LANCL1: variants seen among roughly 807,000 people sequenced by gnomAD.
LANCL1 encodes glutathione S-transferase LANCL1.
In LANCL1, 50 loss-of-function variants were observed where a neutral mutation model predicts 50.6. That is an observed-to-expected ratio of 0.99 (90% CI 0.79 to 1.25). The LOEUF (loss-of-function observed/expected upper bound fraction) is 1.25, where lower values mean the gene tolerates loss of function less well. Among genes scored for constraint, LANCL1 ranks in the 50% most tolerant of loss-of-function variants. LANCL1 has a pLI of 0.00. For missense variants in LANCL1, 532 were observed against 480.7 expected (o/e 1.11, Z -1.00); for synonymous variants, 188 against 178.6 (o/e 1.05, Z -0.42).
chr2:210,461,022 T>C (rs979438873), intron 3 of LANCL1: 5 of 152,104 alleles, frequency 3.3e-5, no homozygotes, highest in Non-Finnish European at 7.4e-5. Context: ...CAACTATGAA[T>C]TGGGCACTGT....
intron 3 of LANCL1, among the ~76,000 whole-genome samples, chr2:210,464,402 C>T (rs1483579302): frequency 6.6e-6 from 1 of 151,954 alleles, no homozygotes; most frequent in Admixed American, 6.6e-5. Context: ...TTTTCAGTTC[C>T]AAGTGCAGTG....
intron 3 of LANCL1, among the ~76,000 whole-genome samples, chr2:210,462,992 T>C (rs2105917587): frequency 6.6e-6 from 1 of 152,304 alleles, no homozygotes; most frequent in East Asian, 1.9e-4. Flanking sequence ...ACTTATAAAG[T>C]GTACAGAATA....
chr2:210,453,381 G>A (rs1693567754), intron 4 of LANCL1, among the ~76,000 whole-genome samples: 1 of 152,120 alleles, frequency 6.6e-6, no homozygotes, highest in African/African-American at 2.4e-5. Flanking sequence ...GTTAACATTG[G>A]CAAGTGCTGC....
chr2:210,437,974 A>T (rs1692993501), intron 6 of LANCL1, 102 bp from the exon 7 acceptor site: 1 of 743,236 alleles, frequency 1.3e-6, no homozygotes, highest in Admixed American at 3.5e-5. Flanking sequence ...GGGGAAATGG[A>T]AGGTCATTAA....
At chr2:210,440,807 A>G in intron 5 of LANCL1, 63 bp from the exon 6 acceptor site, 10 of 1,508,262 alleles carry the variant, frequency 6.6e-6, no homozygotes, top group East Asian at 2.4e-5. Flanking sequence ...TGGAGGAGGT[A>G]AAGACTTTTT....
chr2:210,446,649 GAGA>G (rs979326894), intron 4 of LANCL1, among the ~76,000 whole-genome samples: 1 of 151,520 alleles, frequency 6.6e-6, no homozygotes, highest in Non-Finnish European at 1.5e-5. Flanking sequence ...AACCAGTTTT[GAGA>G]AGAACATAAA....
At chr2:210,439,072 T>C (rs1375208064) in intron 6 of LANCL1, among the ~76,000 whole-genome samples, 13 of 152,170 alleles carry the variant, frequency 8.5e-5, no homozygotes, top group Non-Finnish European at 1.3e-4. Flanking sequence ...ATACAAAGAA[T>C]AGCATTTAAG....
intron 2 of LANCL1, among the ~76,000 whole-genome samples, chr2:210,472,401 T>C (rs1021149159): frequency 6.6e-6 from 1 of 152,190 alleles, no homozygotes; most frequent in Non-Finnish European, 1.5e-5. Context: ...AGTCTTTTTA[T>C]TAAATTAAGC....
chr2:210,471,679 T>C (rs767643466), intron 3 of LANCL1: 7 of 593,120 alleles, frequency 1.2e-5, no homozygotes, highest in Non-Finnish European at 1.9e-5. Context: ...CTATGTAATA[T>C]TGAAAATCAA....
chr2:210,441,686 T>C (rs1456200674), intron 4 of LANCL1, among the ~76,000 whole-genome samples: 2 of 152,138 alleles, frequency 1.3e-5, no homozygotes, highest in African/African-American at 4.8e-5. Context: ...TGAGGCTATC[T>C]GAAATCTCCC....
chr2:210,455,141 T>C lies in LANCL1; in HGVS notation c.373A>G (p.Asn125Asp), dbSNP rs750087496. ...AVAAVLYHKM[N>D]NEKQAEDCIT... ...CAATCTTCTGCCTGCTTCTCATTGT[T>C]CATCTTGTGATATAGCACAGCGGCC... The change falls in exon 4 of 10, where the codon AAC (asparagine) becomes GAC (aspartate). Residue 125 changes from asparagine to aspartate, a missense_variant. Transcript: ENST00000450366. 6.2e-7 allele frequency: 1 copy of C among 1,613,728 alleles called. No homozygotes were observed. Among genetic ancestry groups the C allele is most frequent in the Non-Finnish European group, 8.5e-7 (1 of 1,179,720 alleles).
intron 5 of LANCL1, 86 bp from the exon 6 acceptor site, chr2:210,440,830 C>T (rs1454043802): frequency 8.2e-7 from 1 of 1,226,672 alleles, no homozygotes; most frequent in Admixed American, 2.4e-5. Flanking sequence ...CTAAGAGGTA[C>T]TGGGGAACAT....
intron 4 of LANCL1, among the ~76,000 whole-genome samples, chr2:210,443,502 C>A (rs1055112669): frequency 1.3e-5 from 2 of 152,188 alleles, no homozygotes; most frequent in African/African-American, 4.8e-5. Context: ...CAAATGTTAT[C>A]AGGTAGCTTT....
intron 5 of LANCL1, 21 bp downstream of exon 5, chr2:210,441,287 A>G (rs1218576118): frequency 6.2e-7 from 1 of 1,606,104 alleles, no homozygotes; most frequent in Admixed American, 1.7e-5. Context: ...AAAGGCTCCT[A>G]AAAACACAAA....
chr2:210,447,431 G>A (rs1169454282), intron 4 of LANCL1, among the ~76,000 whole-genome samples: 4 of 152,134 alleles, frequency 2.6e-5, no homozygotes, highest in Admixed American at 6.6e-5. Flanking sequence ...TTGACACTAT[G>A]AAGAAACTGC....
At chr2:210,468,204 C>T (rs1343846354) in intron 3 of LANCL1, 1 of 150,544 alleles carries the variant, frequency 6.6e-6, no homozygotes, top group Admixed American at 6.6e-5. Context: ...AAACACAAAA[C>T]TTTAAGGTGT....
chr2:210,459,998 C>T (rs145868894), intron 3 of LANCL1, among the ~76,000 whole-genome samples: 30 of 152,116 alleles, frequency 2.0e-4, no homozygotes, highest in Non-Finnish European at 2.2e-4. Flanking sequence ...TAATACTAAG[C>T]CTTTGAATTT....
chr2:210,464,694 C>T (rs988764361), intron 3 of LANCL1, among the ~76,000 whole-genome samples: 2 of 147,052 alleles, frequency 1.4e-5, no homozygotes, highest in Non-Finnish European at 3.0e-5. Context: ...AGGCCGGGCG[C>T]GGTGGCTCAC....
Position 210,437,730 on chromosome 2 carries a change from C to G in LANCL1, c.833G>C (p.Gly278Ala). ...NRDLLVHWCH[G>A]APGVIYMLIQ... ...GAGCATGTAGATTACCCCAGGGGCGCCATGGCACCAATGGACAAGCAGATC... is the reference window on the plus strand; with the variant it reads ...GAGCATGTAGATTACCCCAGGGGCGGCATGGCACCAATGGACAAGCAGATC... Residue 278 changes from glycine (G) to alanine (A), a missense_variant, in exon 7 of 10, where the codon GGC becomes GCC. Gly to Ala is a moderately conservative substitution (Grantham distance 60). Transcript: ENST00000450366. The G allele has an allele frequency of 6.2e-7, 1 of 1,610,876 alleles. No individual in the cohort carries two copies. The highest frequency in any genetic ancestry group is 1.1e-5 in the South Asian group (1 of 90,598).
Sources: allele counts gnomAD v4.1 joint callset (sites outside exome capture counted in the v4.1 genomes callset), GRCh38; gene constraint gnomAD v4.1.1; transcripts MANE v1.5; gene names NCBI Gene and HGNC (gene_info 2026-07-23, HGNC 2026-07-21).